CYP19A1: variants seen among roughly 807,000 people sequenced by gnomAD.
The protein encoded by CYP19A1 is aromatase.
Under a neutral mutation model 44.4 loss-of-function variants are expected in CYP19A1, and 32 were observed. The ratio of observed to expected loss-of-function variants is 0.72; its 90% CI spans 0.54 to 0.97. The LOEUF is 0.97. Ranked by LOEUF, CYP19A1 falls within the 50% of genes least tolerant of loss-of-function variation. The pLI is 0.00. For synonymous variants in CYP19A1, 212 were observed against 215.6 expected, an observed-to-expected ratio of 0.98 and a Z score of 0.14; for missense variants, 598 against 637.8, an observed-to-expected ratio of 0.94 and a Z score of 0.67.
chr15:51,260,847 G>A (rs2034688327), intron 1 of CYP19A1, among the ~76,000 whole-genome samples: 1 of 152,144 alleles, frequency 6.6e-6, no homozygotes, highest in Non-Finnish European at 1.5e-5. Flanking sequence ...GCCAGGTGTG[G>A]GCAACCCTGT....
chr15:51,287,057 G>A (rs1300911605), intron 1 of CYP19A1, among the ~76,000 whole-genome samples: 2 of 152,166 alleles, frequency 1.3e-5, no homozygotes, highest in Non-Finnish European at 2.9e-5. Flanking sequence ...GAGTGGAGCC[G>A]CCACCAGGTG....
intron 2 of CYP19A1, among the ~76,000 whole-genome samples, chr15:51,240,293 C>A (rs202150542): frequency 6.6e-6 from 1 of 152,096 alleles, no homozygotes; most frequent in Non-Finnish European, 1.5e-5. Context: ...CTAGAAGAAG[C>A]TTAGATATGA....
chr15:51,273,864 G>T (rs900817112), intron 1 of CYP19A1, among the ~76,000 whole-genome samples: 1 of 152,028 alleles, frequency 6.6e-6, no homozygotes, highest in Non-Finnish European at 1.5e-5. Context: ...AAAATTAGCC[G>T]GGCATGGTGG....
At chr15:51,285,043 G>A (rs2035650446) in intron 1 of CYP19A1, among the ~76,000 whole-genome samples, 1 of 152,166 alleles carries the variant, frequency 6.6e-6, no homozygotes, top group Non-Finnish European at 1.5e-5. Flanking sequence ...AACCGTGTGG[G>A]TGCAATCCCC....
chr15:51,283,286 T>G (rs1004896267), intron 1 of CYP19A1, among the ~76,000 whole-genome samples: 1 of 152,206 alleles, frequency 6.6e-6, no homozygotes, highest in East Asian at 1.9e-4. Context: ...TGGCCACCTC[T>G]TCTCTCTCCC....
intron 1 of CYP19A1, among the ~76,000 whole-genome samples, chr15:51,310,906 A>G (rs969598923): frequency 3.9e-5 from 6 of 152,352 alleles, no homozygotes; most frequent in South Asian, 2.1e-4. Context: ...CACAAACAGC[A>G]TTAACAAAGG....
At chr15:51,294,765 C>T (rs1346270751) in intron 1 of CYP19A1, among the ~76,000 whole-genome samples, 1 of 151,776 alleles carries the variant, frequency 6.6e-6, no homozygotes, top group Non-Finnish European at 1.5e-5. Context: ...TGCCCGGCTG[C>T]CCCTACTGGG....
chr15:51,217,616 TG>T (rs2031696507), intron 6 of CYP19A1, among the ~76,000 whole-genome samples: 1 of 152,184 alleles, frequency 6.6e-6, no homozygotes. Context: ...CAGACAAGCT[TG>T]GGGACATTTA....
At chr15:51,331,934 T>C (rs139177356) in intron 1 of CYP19A1, among the ~76,000 whole-genome samples, 8,996 of 151,096 alleles carry the variant, frequency 0.06, 870 homozygotes, top group African/African-American at 0.21. Flanking sequence ...TATATATATA[T>C]ACACACATAC....
At position 51,210,755 on chromosome 15, in the gene CYP19A1, G is replaced by A. The variant is rs527749263; in HGVS notation, c.*53C>T. On this transcript the variant is annotated 3_prime_UTR_variant, in exon 10 of 10. Transcript: ENST00000396402. ...CACTATTGGCAAGGATGGATGATTT[G>A]TATGTGAACTACTGATGAGAAATGC... is the stretch of plus-strand genomic sequence containing the variant. The A allele has an allele frequency of 2.0e-5, 23 of 1,155,006 alleles. No individual in the cohort carries two copies. The East Asian group carries it at 4.4e-4, about 22-fold the overall frequency. The allele number at this position is 1,155,006 out of a possible 1,614,324, so 71.5% of individuals were successfully genotyped here.
intron 1 of CYP19A1, among the ~76,000 whole-genome samples, chr15:51,287,759 G>A (rs1378183340): frequency 6.6e-6 from 1 of 152,142 alleles, no homozygotes; most frequent in Non-Finnish European, 1.5e-5. Flanking sequence ...ACTATAAAAT[G>A]GAACAGAAGT....
At chr15:51,325,659 G>C (rs1012158826) in intron 1 of CYP19A1, among the ~76,000 whole-genome samples, 11 of 151,992 alleles carry the variant, frequency 7.2e-5, no homozygotes, top group African/African-American at 2.7e-4. Flanking sequence ...CTAACACGGT[G>C]AAACCCCGTC....
At chr15:51,274,454 T>C (rs1169852492) in intron 1 of CYP19A1, among the ~76,000 whole-genome samples, 2 of 152,202 alleles carry the variant, frequency 1.3e-5, no homozygotes, top group East Asian at 3.8e-4. Flanking sequence ...TTCCCTCCTC[T>C]GAGGATGAAC....
chr15:51,335,185 G>A (rs2036757819), intron 1 of CYP19A1, among the ~76,000 whole-genome samples: 1 of 152,166 alleles, frequency 6.6e-6, no homozygotes, highest in Admixed American at 6.5e-5. Flanking sequence ...GGGAGGGCAT[G>A]TTTGTTGCAA....
chr15:51,277,042 A>G (rs1226638648), intron 1 of CYP19A1: 2 of 149,778 alleles, frequency 1.3e-5, no homozygotes. Context: ...AGAGAAAGAG[A>G]AAGAAAGAAA....
At chr15:51,289,236 A>G (rs2035786188) in intron 1 of CYP19A1, among the ~76,000 whole-genome samples, 2 of 152,196 alleles carry the variant, frequency 1.3e-5, no homozygotes, top group African/African-American at 4.8e-5. Context: ...AAATCTTTAC[A>G]TTTCAAATGC....
At chr15:51,217,634 G>A (rs945839822) in intron 6 of CYP19A1, among the ~76,000 whole-genome samples, 1 of 152,160 alleles carries the variant, frequency 6.6e-6, no homozygotes, top group Non-Finnish European at 1.5e-5. Context: ...TTTAGAGATG[G>A]AGAACTTGAG....
At chr15:51,324,265 G>T (rs1020084184) in intron 1 of CYP19A1, among the ~76,000 whole-genome samples, 3 of 152,228 alleles carry the variant, frequency 2.0e-5, no homozygotes, top group East Asian at 3.8e-4. Context: ...CATTGCCAAA[G>T]ATGAATATTT....
intron 3 of CYP19A1, among the ~76,000 whole-genome samples, chr15:51,229,982 G>A (rs2032902954): frequency 6.6e-6 from 1 of 152,152 alleles, no homozygotes; most frequent in Admixed American, 6.5e-5. Context: ...GTAATAAAGA[G>A]CCAACCTTTA....
Sources: allele counts gnomAD v4.1 joint callset (sites outside exome capture counted in the v4.1 genomes callset), GRCh38; gene constraint gnomAD v4.1.1; transcripts MANE v1.5; gene names NCBI Gene and HGNC (gene_info 2026-07-23, HGNC 2026-07-21).